The following RAP1GAP2 variants were observed in gnomAD, a reference collection of about 807,000 sequenced individuals.
RAP1GAP2 encodes the protein rap1 GTPase-activating protein 2.
Under a neutral mutation model 95.0 loss-of-function variants are expected in RAP1GAP2, and 27 were observed. The observed-to-expected ratio is 0.28, with a 90% CI of 0.21 to 0.39. The LOEUF is 0.39. RAP1GAP2 is among the 10% of genes least tolerant of loss of function. The pLI is 1.00. For missense variants in RAP1GAP2, 771 were observed against 970.0 expected, an observed-to-expected ratio of 0.79 and a Z score of 2.72; for synonymous variants, 373 against 380.9, an observed-to-expected ratio of 0.98 and a Z score of 0.24.
chr17:2,952,567 A>T (rs191744151), intron 3 of RAP1GAP2, among the ~76,000 whole-genome samples: 3 of 152,304 alleles, frequency 2.0e-5, no homozygotes, highest in South Asian at 2.1e-4. Flanking sequence ...CACTCAGCAG[A>T]GTTCCTGCAG....
chr17:2,793,877 GA>G (rs2068995639), upstream of RAP1GAP2, among the ~76,000 whole-genome samples: 1 of 151,988 alleles, frequency 6.6e-6, no homozygotes, highest in Non-Finnish European at 1.5e-5. Context: ...GAGACGGGTG[GA>G]TCACCGGAGG....
chr17:2,910,797 C>G (rs2042348836), intron 3 of RAP1GAP2, among the ~76,000 whole-genome samples: 1 of 152,202 alleles, frequency 6.6e-6, no homozygotes, highest in Admixed American at 6.5e-5. Flanking sequence ...GCGATCTCGG[C>G]TCCCTGCAAC....
At chr17:2,962,804 T>G (rs1597732366) in intron 5 of RAP1GAP2, 90 bp downstream of exon 5, 1 of 1,239,466 alleles carries the variant, frequency 8.1e-7, no homozygotes, top group Non-Finnish European at 1.1e-6. Context: ...GATGCTGGGG[T>G]CTTCTGTCTC....
At chr17:2,830,512 G>A (rs1296815282) in intron 2 of RAP1GAP2, among the ~76,000 whole-genome samples, 2 of 151,946 alleles carry the variant, frequency 1.3e-5, no homozygotes, top group African/African-American at 4.8e-5. Context: ...TCAAGAGATC[G>A]AGACCATCCT....
chr17:2,811,063 C>G (rs953631861), intron 2 of RAP1GAP2, among the ~76,000 whole-genome samples: 1 of 152,142 alleles, frequency 6.6e-6, no homozygotes, highest in South Asian at 2.1e-4. Context: ...CCCCATTCAA[C>G]AAGGTTCACC....
chr17:2,794,804 G>T (rs2069022405), upstream of RAP1GAP2, among the ~76,000 whole-genome samples: 1 of 152,012 alleles, frequency 6.6e-6, no homozygotes, highest in African/African-American at 2.4e-5. Flanking sequence ...AGGTGCCAGA[G>T]AGGAAATTTC....
chr17:2,777,749 G>C (rs8075141), intron 1 of RAP1GAP2, among the ~76,000 whole-genome samples: 82,656 of 152,076 alleles, frequency 0.54, 23,284 homozygotes, highest in East Asian at 0.87. Flanking sequence ...CCCTGTTGAG[G>C]GGCTGTCATC....
intron 2 of RAP1GAP2, among the ~76,000 whole-genome samples, chr17:2,854,844 G>C (rs1379992923): frequency 6.6e-6 from 1 of 152,170 alleles, no homozygotes; most frequent in Non-Finnish European, 1.5e-5. Flanking sequence ...AAGCCTCCCT[G>C]TTCTGCTAGG....
chr17:2,935,590 C>T (rs1253566362), intron 3 of RAP1GAP2, among the ~76,000 whole-genome samples: 1 of 152,120 alleles, frequency 6.6e-6, no homozygotes, highest in Non-Finnish European at 1.5e-5. Context: ...AAATGTCACC[C>T]CCCCGCCCCC....
intron 13 of RAP1GAP2, among the ~76,000 whole-genome samples, chr17:2,997,501 G>T (rs1244412151): frequency 6.6e-6 from 1 of 152,120 alleles, no homozygotes; most frequent in Non-Finnish European, 1.5e-5. Flanking sequence ...GCAAGACCCC[G>T]CCTTGCCTTT....
At chr17:2,851,631 A>G (rs1030417103) in intron 2 of RAP1GAP2, among the ~76,000 whole-genome samples, 5 of 152,188 alleles carry the variant, frequency 3.3e-5, no homozygotes, top group African/African-American at 1.2e-4. Context: ...TTGTGTTTGC[A>G]GTGACACTGG....
At chr17:2,974,751 T>C (rs2045036111) in intron 8 of RAP1GAP2, among the ~76,000 whole-genome samples, 1 of 151,658 alleles carries the variant, frequency 6.6e-6, no homozygotes, top group African/African-American at 2.4e-5. Context: ...TCTTAGAGTT[T>C]GATGAAAAAA....
intron 17 of RAP1GAP2, among the ~76,000 whole-genome samples, chr17:3,011,215 A>G (rs2046528822): frequency 6.6e-6 from 1 of 152,136 alleles, no homozygotes; most frequent in Non-Finnish European, 1.5e-5. Flanking sequence ...GGTGTGAGCC[A>G]CCGCGCCCGG....
intron 2 of RAP1GAP2, among the ~76,000 whole-genome samples, chr17:2,838,745 T>C (rs1460744535): frequency 6.6e-6 from 1 of 152,150 alleles, no homozygotes; most frequent in African/African-American, 2.4e-5. Flanking sequence ...TCCCCGAAAC[T>C]GATCCCCGGA....
At chr17:2,928,857 C>A (rs1319596917) in intron 3 of RAP1GAP2, among the ~76,000 whole-genome samples, 1 of 152,086 alleles carries the variant, frequency 6.6e-6, no homozygotes, top group Non-Finnish European at 1.5e-5. Context: ...CAGCCTCATG[C>A]AGACTATCAT....
chr17:2,779,632 C>A (rs1269928556), intron 1 of RAP1GAP2, among the ~76,000 whole-genome samples: 3 of 142,594 alleles, frequency 2.1e-5, no homozygotes, highest in East Asian at 2.5e-4. Flanking sequence ...GACACAGAGG[C>A]CAGCACTGGG....
intron 14 of RAP1GAP2, among the ~76,000 whole-genome samples, chr17:3,002,393 CTG>C (rs2046191672): frequency 6.6e-6 from 1 of 152,196 alleles, no homozygotes; most frequent in South Asian, 2.1e-4. Flanking sequence ...CAGGCAGACA[CTG>C]AGGCTGGAAG....
intron 14 of RAP1GAP2, among the ~76,000 whole-genome samples, chr17:2,999,450 G>A (rs1274910608): frequency 6.6e-6 from 1 of 152,122 alleles, no homozygotes; most frequent in Non-Finnish European, 1.5e-5. Flanking sequence ...TCCCTGCTCC[G>A]CAAAATATCA....
chr17:3,006,486 T>G (rs1597856124), intron 16 of RAP1GAP2, among the ~76,000 whole-genome samples: 1 of 142,120 alleles, frequency 7.0e-6, no homozygotes, highest in South Asian at 2.2e-4. Context: ...CAGGCTGGAG[T>G]GCAGTGGCCC....
Sources: allele counts gnomAD v4.1 joint callset (sites outside exome capture counted in the v4.1 genomes callset), GRCh38; gene constraint gnomAD v4.1.1; transcripts MANE v1.5; gene names NCBI Gene and HGNC (gene_info 2026-07-23, HGNC 2026-07-21).